The following RPGRIP1 variants were observed in gnomAD, a reference collection of about 807,000 sequenced individuals.
RPGRIP1 encodes the protein RPGR interacting protein 1, also known as X-linked retinitis pigmentosa GTPase regulator-interacting protein 1.
Under a neutral mutation model 157.9 loss-of-function variants are expected in RPGRIP1, and 128 were observed. The observed-to-expected ratio is 0.81, with a 90% CI of 0.70 to 0.94. The LOEUF (loss-of-function observed/expected upper bound fraction) is 0.94, where lower values mean the gene tolerates loss of function less well. RPGRIP1 is among the 40% of genes least tolerant of loss of function. The pLI is 0.00. For missense variants in RPGRIP1, 1,486 were observed against 1,545.8 expected (o/e 0.96, Z 0.65); for synonymous variants, 554 against 571.6 (o/e 0.97, Z 0.44).
At chr14:21,305,979 C>T (rs1485637026) in intron 6 of RPGRIP1, among the ~76,000 whole-genome samples, 1 of 152,010 alleles carries the variant, frequency 6.6e-6, no homozygotes, top group Non-Finnish European at 1.5e-5. Flanking sequence ...AAGATCTCTC[C>T]AGGTTATTCT....
At chr14:21,344,996 C>T (rs1885418384) in intron 22 of RPGRIP1, 117 bp from the exon 23 acceptor site, 2 of 694,156 alleles carry the variant, frequency 2.9e-6, no homozygotes, top group East Asian at 5.5e-5. Context: ...ATTCTAGATC[C>T]AGGCAAGGAG....
chr14:21,298,961 A>G (rs1880911295), intron 3 of RPGRIP1, among the ~76,000 whole-genome samples: 1 of 150,836 alleles, frequency 6.6e-6, no homozygotes, highest in African/African-American at 2.4e-5. Context: ...AAAAAAAAAA[A>G]AAAGAATCTG....
At chr14:21,290,547 C>A (rs1187791016) in intron 2 of RPGRIP1, among the ~76,000 whole-genome samples, 1 of 152,068 alleles carries the variant, frequency 6.6e-6, no homozygotes, top group Admixed American at 6.6e-5. Flanking sequence ...CACGGTGGCT[C>A]ATGCCTGTAG....
chr14:21,304,835 TCAGTTGCCCAGGCTGGAGGG>T (rs1304859958), intron 6 of RPGRIP1, among the ~76,000 whole-genome samples: 6 of 151,660 alleles, frequency 4.0e-5, no homozygotes, highest in Non-Finnish European at 5.9e-5. Flanking sequence ...GGAGTCTCGC[TCAGTTGCCCAGGCTGGAGGG>T]CAGTGGCGTG....
intron 3 of RPGRIP1, among the ~76,000 whole-genome samples, chr14:21,298,793 A>T (rs1036204087): frequency 6.6e-6 from 1 of 151,334 alleles, no homozygotes; most frequent in Non-Finnish European, 1.5e-5. Context: ...TACAAAAATT[A>T]GCTGGGTGTG....
At chr14:21,342,082 G>A (rs1885071526) in intron 21 of RPGRIP1, among the ~76,000 whole-genome samples, 1 of 151,794 alleles carries the variant, frequency 6.6e-6, no homozygotes, top group South Asian at 2.1e-4. Flanking sequence ...GTTCCTGTGG[G>A]AGGGCAGGGT....
intron 20 of RPGRIP1, among the ~76,000 whole-genome samples, chr14:21,331,107 C>T (rs1157632547): frequency 6.6e-6 from 1 of 151,788 alleles, no homozygotes; most frequent in East Asian, 2.0e-4. Context: ...CAGGTTTTCT[C>T]CATGTTGGTC....
At chr14:21,306,739 G>T (rs1247805293) in intron 6 of RPGRIP1, among the ~76,000 whole-genome samples, 1 of 151,104 alleles carries the variant, frequency 6.6e-6, no homozygotes, top group Non-Finnish European at 1.5e-5. Context: ...TTATAAGCGT[G>T]AGCCACCGTG....
chr14:21,349,329 C>T lies in RPGRIP1; in HGVS notation c.3748+1027C>T, dbSNP rs115947762. Reference sequence around the variant, plus strand: ...AAGCAATCCACCCTCTTTTGCCTCCCAAAGTGTTGGCATTACAGGCATAAA... The same window carrying T: ...AAGCAATCCACCCTCTTTTGCCTCCTAAAGTGTTGGCATTACAGGCATAAA... On this transcript the variant is annotated intron_variant, in intron 24 of 24. Coordinates refer to ENST00000400017, the MANE Select transcript of RPGRIP1 (RefSeq NM_020366.4). Among the ~76,000 whole-genome samples, 1,028 of 151,710 alleles carry T rather than the reference C, an allele frequency of 6.8e-3. 13 individuals are homozygous for T. The highest frequency in any genetic ancestry group is 0.023 in the African/African-American group (957 of 41,392).
chr14:21,324,375 A>G lies in RPGRIP1; in HGVS notation c.1763-243A>G. The G allele has an allele frequency of 5.3e-6, 3 of 564,462 alleles. No homozygotes were observed. In the South Asian group the frequency reaches 6.1e-5, roughly 12 times the overall value. 35.0% of individuals were successfully genotyped at this position (564,462 alleles called of 1,614,324 possible). On this transcript the variant is annotated intron_variant, in intron 14 of 24. Coordinates refer to ENST00000400017, the MANE Select transcript of RPGRIP1 (RefSeq NM_020366.4). ...CCCCCAGTGTTTTCCTAAGTTTAGC[A>G]TCTACTTTCCAGTCACTCCTTTTGT...
At chr14:21,313,160 G>A (rs925750826) in intron 10 of RPGRIP1, among the ~76,000 whole-genome samples, 4 of 151,468 alleles carry the variant, frequency 2.6e-5, no homozygotes, top group African/African-American at 9.7e-5. Flanking sequence ...GGGGCTGGGG[G>A]GAATCAAAAT....
Position 21,285,911 on chromosome 14 carries a change from A to C in RPGRIP1, c.-38-2028A>C, listed in dbSNP as rs1880281675. On this transcript the variant is annotated intron_variant, in intron 1 of 24. Coordinates refer to ENST00000400017, the MANE Select transcript of RPGRIP1 (RefSeq NM_020366.4). ...GATGGGAGAGGAAAATGGGGAGAGC[A>C]TTAAAAAATGTGGTAGTTGAGGAAA... Among the ~76,000 whole-genome samples, 3 of 151,954 alleles carry C rather than the reference A, an allele frequency of 2.0e-5. 1 individual carries two copies. The highest frequency in any genetic ancestry group is 7.3e-5 in the African/African-American group (3 of 41,240).
chr14:21,293,451 T>C lies in RPGRIP1; in HGVS notation c.86-1226T>C, dbSNP rs543401072. On this transcript the variant is annotated intron_variant, in intron 2 of 24. Transcript: ENST00000400017. ...AAATTATCTAATAAGGAGAAAAAAATAGAAGAATAGGCTGGGCATGGTGGC... is the reference window on the plus strand; with the variant it reads ...AAATTATCTAATAAGGAGAAAAAAACAGAAGAATAGGCTGGGCATGGTGGC... Among the ~76,000 whole-genome samples, 30 of 151,856 alleles carry C rather than the reference T, an allele frequency of 2.0e-4. No homozygotes were observed. In the South Asian group the frequency reaches 5.8e-3, roughly 29 times the overall value.
At chr14:21,297,006 A>G (rs1014752529) in intron 3 of RPGRIP1, among the ~76,000 whole-genome samples, 8 of 152,092 alleles carry the variant, frequency 5.3e-5, no homozygotes, top group Admixed American at 1.3e-4. Flanking sequence ...GGTATTATTA[A>G]GAGGAAAAGG....
At chr14:21,322,841 A>T (rs17254708) in intron 14 of RPGRIP1, among the ~76,000 whole-genome samples, 34,382 of 152,090 alleles carry the variant, frequency 0.23, 4,232 homozygotes, top group Admixed American at 0.33. Context: ...ACTGAATGCA[A>T]GTTTCATATT....
Position 21,325,347 on chromosome 14 carries a change from C to A in RPGRIP1, c.2331C>A (p.Thr777=), listed in dbSNP as rs760801598. Residue 777 remains threonine, a synonymous_variant, in exon 16 of 25, where the codon ACC becomes ACA. Coordinates refer to ENST00000400017, the MANE Select transcript of RPGRIP1 (RefSeq NM_020366.4). ...AGAAAGCCCAGGTCTACCTGTCAAC[C>A]GATGTGCTTGGAGGCCGGAAGGCCC... ...KRKKAQVYLS[T]DVLGGRKAQE... 8.8e-6 allele frequency: 14 copies of A among 1,597,828 alleles called. No homozygotes were observed. In the East Asian group the frequency reaches 2.9e-4, roughly 34 times the overall value.
chr14:21,301,510 C>G (rs1189458070), intron 4 of RPGRIP1, among the ~76,000 whole-genome samples: 1 of 151,864 alleles, frequency 6.6e-6, no homozygotes, highest in African/African-American at 2.4e-5. Context: ...AACCCCGTCT[C>G]TAATAAAAAT....
At chr14:21,286,240 C>G (rs1223765661) in intron 1 of RPGRIP1, among the ~76,000 whole-genome samples, 1 of 151,996 alleles carries the variant, frequency 6.6e-6, no homozygotes, top group Non-Finnish European at 1.5e-5. Context: ...ATCCGCCCGC[C>G]TCAACCTCCC....
At chr14:21,304,424 A>AAAGG (rs1555365583) in intron 6 of RPGRIP1, among the ~76,000 whole-genome samples, 4 of 151,398 alleles carry the variant, frequency 2.6e-5, no homozygotes, top group East Asian at 1.9e-4. Context: ...AGAAAGAAAG[A>AAAGG]AAGAAAGAAA....
Sources: gnomAD v4.1 joint callset for allele counts (sites outside exome capture counted in the v4.1 genomes callset) on GRCh38, gnomAD v4.1.1 for gene constraint, MANE v1.5 for transcripts, NCBI Gene and HGNC (gene_info 2026-07-23, HGNC 2026-07-21) for gene names.